The following SEPTIN3 variants were observed in gnomAD, a reference collection of about 807,000 sequenced individuals.
The protein encoded by SEPTIN3 is septin 3.
SEPTIN3 carries 15 observed loss-of-function variants against 45.1 expected under a neutral mutation model. That is an observed-to-expected ratio of 0.33 (90% CI 0.22 to 0.51). The LOEUF is 0.51. Among genes scored for constraint, SEPTIN3 ranks in the 20% least tolerant of loss-of-function variants. The pLI is 0.97. For synonymous variants in SEPTIN3, 148 were observed against 164.8 expected (o/e 0.90, Z 0.78); for missense variants, 289 against 457.2 (o/e 0.63, Z 3.35).
chr22:41,986,920 GA>G (rs1441690897), intron 4 of SEPTIN3, among the ~76,000 whole-genome samples: 2 of 152,124 alleles, frequency 1.3e-5, no homozygotes, highest in Admixed American at 6.5e-5. Flanking sequence ...AGGCTACAGT[GA>G]GCTGTGATTG....
rs753568212 is a variant in SEPTIN3 at position 41,990,049 on chromosome 22, C to CTT, written c.2163+367_2163+368dup. 1.8e-3 allele frequency among the ~76,000 whole-genome samples: 246 copies of CTT among 133,368 alleles called. 2 individuals are homozygous for CTT. In the Middle Eastern group the frequency reaches 0.024, roughly 13 times the overall value. 87.5% of individuals were successfully genotyped at this position (133,368 alleles called of 152,430 possible). A position where few individuals can be genotyped will look rare whatever the true frequency, so the allele number is the denominator to read the frequency against. ...CCACTAGTCCTCACTGGCATCTTCT[C>CTT]TTTGTTTTTTTTTTGGAGTCTCTCT... On this transcript the variant is annotated intron_variant, in intron 7 of 11. Transcript: ENST00000644076.
intron 7 of SEPTIN3, among the ~76,000 whole-genome samples, 171 bp downstream of exon 7, chr22:41,989,855 A>T (rs1015834893): frequency 1.3e-5 from 2 of 151,130 alleles, no homozygotes; most frequent in Non-Finnish European, 2.9e-5. Flanking sequence ...GGTTGGTGGT[A>T]TCTGGGGACT....
At chr22:41,971,398 G>A in intron 1 of SEPTIN3, 76 bp from the exon 2 acceptor site, 2 of 398,248 alleles carry the variant, frequency 5.0e-6, no homozygotes. Flanking sequence ...CTGCTGGTCA[G>A]GAAGGGGAGA....
In SEPTIN3 at chr22:41,987,055, C is replaced by T. The variant is rs2078221316; in HGVS notation, c.1826-151C>T. On this transcript the variant is annotated intron_variant, in intron 4 of 11. Transcript: ENST00000644076. ...TCCAGGTACAGGGAACAGCATAAGCCATGATATCGAGATGGAAAAGACCCT... is the reference window on the plus strand; with the variant it reads ...TCCAGGTACAGGGAACAGCATAAGCTATGATATCGAGATGGAAAAGACCCT... 1.1e-5 allele frequency: 6 copies of T among 568,398 alleles called. No homozygotes were observed. In the South Asian group the frequency reaches 1.5e-4, roughly 14 times the overall value. The allele number at this position is 568,398 out of a possible 1,614,324, so 35.2% of individuals were successfully genotyped here.
Position 41,987,639 on chromosome 22 carries a change from A to C in SEPTIN3, c.1925A>C (p.Lys642Thr), listed in dbSNP as rs1413710357. 1.9e-6 allele frequency: 3 copies of C among 1,611,550 alleles called. No individual in the cohort carries two copies. Among genetic ancestry groups the C allele is most frequent in the Non-Finnish European group, 2.5e-6 (3 of 1,177,836 alleles). ...NNENCWEPIE[K>T]YINEQYEKFL... ...CCCATCAGCTGGGAGCCCATTGAGA[A>C]GTACATCAATGAGCAGTACGAGAAG... Residue 642 changes from lysine (K) to threonine (T), a missense_variant, in exon 6 of 12, where the codon AAG (lysine) becomes ACG (threonine). By Grantham distance (78) the Lys-to-Thr change is moderately conservative. Coordinates refer to ENST00000644076, the MANE Select transcript of SEPTIN3 (RefSeq NM_001363845.2).
chr22:41,981,123 A>G (rs964112591), intron 2 of SEPTIN3, among the ~76,000 whole-genome samples: 2 of 152,208 alleles, frequency 1.3e-5, no homozygotes, highest in African/African-American at 4.8e-5. Context: ...GGCATGACTC[A>G]GGTCTGAACA....
chr22:41,986,105 C>A lies in SEPTIN3; in HGVS notation c.1818C>A (p.Ile606=), dbSNP rs118016225. ...CCAAGACAGTGGAGATCAAAGCTAT[C>A]GGGCATGGTGAGGACCAGGCAGGGA... ...KIPKTVEIKA[I]GHVIEEGGVK... is the part of the protein sequence containing the mutation. Residue 606 remains isoleucine, a synonymous_variant, in exon 4 of 12, where the codon ATC becomes ATA. Coordinates refer to ENST00000644076, the MANE Select transcript of SEPTIN3 (RefSeq NM_001363845.2). The A allele has an allele frequency of 6.2e-7, 1 of 1,612,750 alleles. No individual in the cohort carries two copies.
Position 41,985,554 on chromosome 22 carries a change from A to C in SEPTIN3, c.1697-430A>C, listed in dbSNP as rs149029601. 254 of 163,156 alleles carry C rather than the reference A, an allele frequency of 1.6e-3. 2 individuals are homozygous for C. Among genetic ancestry groups the C allele is most frequent in the Middle Eastern group, 6.1e-3 (2 of 328 alleles). 10.1% of individuals were successfully genotyped at this position (163,156 alleles called of 1,614,324 possible). A position where few individuals can be genotyped will look rare whatever the true frequency, so the allele number is the denominator to read the frequency against. ...CTTCAGGATCCACAGGGCTGATATA[A>C]AAATGAATTTGGCTAACAAATGTGA... is the stretch of plus-strand genomic sequence containing the variant. On this transcript the variant is annotated intron_variant, in intron 3 of 11. Transcript: ENST00000644076.
intron 2 of SEPTIN3, 45 bp downstream of exon 2, chr22:41,973,041 G>C (rs145625166): frequency 7.0e-5 from 28 of 398,508 alleles, no homozygotes; most frequent in African/African-American, 2.1e-4. Flanking sequence ...CTGCCGGGAG[G>C]GGGAGGTGTG....
At chr22:41,985,747 G>T (rs188194275) in intron 3 of SEPTIN3, 334 of 365,148 alleles carry the variant, frequency 9.1e-4, no homozygotes, top group African/African-American at 6.6e-3. Flanking sequence ...TGGTCCTGTG[G>T]CTCTGGGAAG....
At chr22:41,989,090 G>A (rs2078256699) in intron 6 of SEPTIN3, among the ~76,000 whole-genome samples, 1 of 133,360 alleles carries the variant, frequency 7.5e-6, no homozygotes, top group Non-Finnish European at 1.5e-5. Context: ...CCATATCACT[G>A]CACTCCAGCC....
At chr22:41,973,804 T>A (rs957700441) in intron 2 of SEPTIN3, among the ~76,000 whole-genome samples, 1 of 151,670 alleles carries the variant, frequency 6.6e-6, no homozygotes, top group Admixed American at 6.6e-5. Context: ...AACATGGTGA[T>A]ACCCCGTCTC....
chr22:41,987,431 C>T (rs2078227632), intron 5 of SEPTIN3, 144 bp downstream of exon 5: 2 of 1,076,024 alleles, frequency 1.9e-6, no homozygotes, highest in African/African-American at 3.2e-5. Flanking sequence ...CCCTGGGGAG[C>T]TCCACCCCTG....
intron 3 of SEPTIN3, among the ~76,000 whole-genome samples, chr22:41,984,342 C>G (rs1326029534): frequency 6.6e-6 from 1 of 152,158 alleles, no homozygotes; most frequent in African/African-American, 2.4e-5. Flanking sequence ...CCCAGTATTT[C>G]TTAGATCTTA....
intron 11 of SEPTIN3, chr22:41,996,550 C>G (rs1394472530): frequency 6.7e-6 from 7 of 1,049,464 alleles, no homozygotes; most frequent in Non-Finnish European, 6.9e-6. Flanking sequence ...GTGACCCCAA[C>G]CTATGCTCTC....
rs528010162 is a variant in SEPTIN3 at position 41,972,415 on chromosome 22, G to T, written c.923G>T (p.Arg308Ile). ...PALDIKLGTA[R>I]DLSSVGTVKS... ...CTGGATATCAAGCTGGGCACAGCCA[G>T]AGACTTGTCTTCGGTAGGGACAGTC... The change falls in exon 2 of 12, where the codon AGA becomes ATA. Residue 308 changes from arginine (R) to isoleucine (I), a missense_variant. Around this residue, in one of 3 missense-constraint regions of SEPTIN3, gnomAD observed 200 missense variants for 315.1 expected, o/e 0.63. Transcript: ENST00000644076. 2.5e-6 allele frequency: 1 copy of T among 398,828 alleles called. No homozygotes were observed. The highest frequency in any genetic ancestry group is 2.1e-5 in the African/African-American group (1 of 48,636). 24.7% of individuals were successfully genotyped at this position (398,828 alleles called of 1,614,324 possible).
chr22:41,970,625 C>T (rs942123024), intron 1 of SEPTIN3, among the ~76,000 whole-genome samples: 5 of 152,182 alleles, frequency 3.3e-5, no homozygotes, highest in African/African-American at 1.2e-4. Context: ...CTACATACAG[C>T]CTAGGAGCCC....
At chr22:41,995,410 C>T in intron 11 of SEPTIN3, 1 of 985,708 alleles carries the variant, frequency 1.0e-6, no homozygotes, top group Non-Finnish European at 1.2e-6. Flanking sequence ...ACAAAGCTAC[C>T]ACCTGTCACC....
chr22:41,992,829 A>T, intron 9 of SEPTIN3, 66 bp downstream of exon 9: 2 of 1,091,878 alleles, frequency 1.8e-6, no homozygotes, highest in East Asian at 2.5e-5. Flanking sequence ...TTTATTAAGC[A>T]TCTATAGGTC....
Sources: allele counts gnomAD v4.1 joint callset (sites outside exome capture counted in the v4.1 genomes callset), GRCh38; gene constraint gnomAD v4.1.1; regional missense constraint gnomAD v4.1.1; transcripts MANE v1.5; gene names NCBI Gene and HGNC (gene_info 2026-07-23, HGNC 2026-07-21).